The following NAV2 variants were observed in gnomAD, a reference collection of about 807,000 sequenced individuals.
The protein encoded by NAV2 is neuron navigator 2.
A neutral mutation model predicts 223.2 loss-of-function variants in NAV2; 54 were observed. The observed-to-expected ratio is 0.24, with a 90% confidence interval of 0.19 to 0.30. The LOEUF is 0.30. NAV2 is among the 10% of genes least tolerant of loss of function. The pLI is 1.00. For synonymous variants in NAV2, 1,279 were observed against 1,239.3 expected, an observed-to-expected ratio of 1.03 and a Z score of -0.67; for missense variants, 2,806 against 3,147.5, an observed-to-expected ratio of 0.89 and a Z score of 2.60.
intron 1 of NAV2, among the ~76,000 whole-genome samples, chr11:19,385,850 C>T (rs959364805): frequency 3.3e-5 from 5 of 149,760 alleles, no homozygotes; most frequent in African/African-American, 1.2e-4. Flanking sequence ...CAAGCTCCGC[C>T]TCCTGGGTTC....
chr11:20,103,260 G>A lies in NAV2; in HGVS notation c.6423G>A (p.Leu2141=), dbSNP rs2061768516. Residue 2141 remains leucine (L), a synonymous_variant, in exon 33 of 38, where the codon TTG becomes TTA. Transcript: ENST00000349880. ...FNVDHKSSKE[L]RQYLSNLADQ... ...GGCCTTCCTGGCCACCATAGGAATT[G>A]CGCCAGTACCTGTCCAACCTTGCTG... is the stretch of plus-strand genomic sequence containing the variant. The A allele has an allele frequency of 2.5e-6, 4 of 1,612,322 alleles. No homozygotes were observed. Among genetic ancestry groups the A allele is most frequent in the Non-Finnish European group, 3.4e-6 (4 of 1,179,120 alleles).
At chr11:19,835,833 A>T (rs529429586) in intron 2 of NAV2, among the ~76,000 whole-genome samples, 5 of 152,078 alleles carry the variant, frequency 3.3e-5, no homozygotes, top group Admixed American at 6.5e-5. Context: ...TACTGACTTC[A>T]TCTTATACTG....
chr11:20,069,416 C>T (rs1331829471), intron 22 of NAV2, among the ~76,000 whole-genome samples: 1 of 152,030 alleles, frequency 6.6e-6, no homozygotes, highest in African/African-American at 2.4e-5. Context: ...GGTGAGCATC[C>T]GGGCTTCCTC....
At chr11:19,791,974 T>C (rs566545280) in intron 1 of NAV2, among the ~76,000 whole-genome samples, 82 of 152,282 alleles carry the variant, frequency 5.4e-4, no homozygotes, top group African/African-American at 1.9e-3. Flanking sequence ...TTCAGTTTCT[T>C]CCACCATCTC....
At chr11:19,681,207 G>A (rs964658660) in intron 1 of NAV2, among the ~76,000 whole-genome samples, 5 of 152,174 alleles carry the variant, frequency 3.3e-5, no homozygotes, top group Admixed American at 6.5e-5. Flanking sequence ...TCTCAGGGAC[G>A]TCCCCTGACC....
intron 1 of NAV2, among the ~76,000 whole-genome samples, chr11:19,524,005 A>G (rs562454621): frequency 6.6e-6 from 1 of 152,274 alleles, no homozygotes; most frequent in African/African-American, 2.4e-5. Context: ...CAGATACTCC[A>G]GGCTGGTTAG....
chr11:19,512,182 G>A (rs2043299820), intron 1 of NAV2, among the ~76,000 whole-genome samples: 1 of 152,220 alleles, frequency 6.6e-6, no homozygotes, highest in Admixed American at 6.5e-5. Flanking sequence ...GGACTCTGAG[G>A]GGTGGAAAGA....
chr11:19,813,442 C>T (rs1216184257), intron 1 of NAV2, among the ~76,000 whole-genome samples: 5 of 152,108 alleles, frequency 3.3e-5, no homozygotes, highest in South Asian at 2.1e-4. Flanking sequence ...GCCAAAGAAA[C>T]AGTGATTTAT....
intron 26 of NAV2, among the ~76,000 whole-genome samples, chr11:20,086,195 AAT>A (rs1342189816): frequency 6.6e-6 from 1 of 152,198 alleles, no homozygotes; most frequent in Non-Finnish European, 1.5e-5. Flanking sequence ...TTGAAACAGG[AAT>A]ATGAGATAAT....
intron 1 of NAV2, among the ~76,000 whole-genome samples, chr11:19,697,798 G>GC (rs2049392557): frequency 6.6e-6 from 1 of 152,232 alleles, no homozygotes; most frequent in Admixed American, 6.5e-5. Flanking sequence ...AGGTGCAGAT[G>GC]CTTGTGATGG....
chr11:19,876,776 G>A (rs911524629), intron 4 of NAV2, among the ~76,000 whole-genome samples: 3 of 151,304 alleles, frequency 2.0e-5, no homozygotes, highest in Non-Finnish European at 2.9e-5. Context: ...ATGCTGAATT[G>A]TTAGTTCCTC....
chr11:19,928,031 C>T (rs1405606473), intron 6 of NAV2, among the ~76,000 whole-genome samples: 3 of 152,136 alleles, frequency 2.0e-5, no homozygotes, highest in Admixed American at 6.5e-5. Flanking sequence ...ATTTCAGGTT[C>T]GTTTTGAACC....
At chr11:19,478,078 CG>C (rs2042171384) in intron 1 of NAV2, among the ~76,000 whole-genome samples, 1 of 152,126 alleles carries the variant, frequency 6.6e-6, no homozygotes, top group East Asian at 1.9e-4. Flanking sequence ...AGCCCTTATA[CG>C]GGTAATAAGC....
chr11:19,574,105 G>A (rs1391086745), intron 1 of NAV2, among the ~76,000 whole-genome samples: 1 of 152,226 alleles, frequency 6.6e-6, no homozygotes, highest in South Asian at 2.1e-4. Flanking sequence ...GAGTTGGAAA[G>A]ACTTGAGTTC....
intron 1 of NAV2, among the ~76,000 whole-genome samples, chr11:19,494,088 T>G (rs961600571): frequency 6.6e-6 from 1 of 152,120 alleles, no homozygotes; most frequent in Non-Finnish European, 1.5e-5. Context: ...CCCCAACAGA[T>G]GCACAAGTGA....
chr11:19,746,599 G>A (rs940312779), intron 1 of NAV2, among the ~76,000 whole-genome samples: 1 of 152,178 alleles, frequency 6.6e-6, no homozygotes, highest in African/African-American at 2.4e-5. Flanking sequence ...AGTAGTTATG[G>A]ATAGGGCAAT....
At chr11:20,098,558 A>C (rs890813995) in intron 31 of NAV2, among the ~76,000 whole-genome samples, 1 of 152,136 alleles carries the variant, frequency 6.6e-6, no homozygotes, top group African/African-American at 2.4e-5. Flanking sequence ...ACTGCTCTTG[A>C]CTGCAGTTTT....
At chr11:19,578,470 A>C (rs534708296) in intron 1 of NAV2, among the ~76,000 whole-genome samples, 1 of 152,268 alleles carries the variant, frequency 6.6e-6, no homozygotes, top group East Asian at 1.9e-4. Flanking sequence ...ACTGGTGACC[A>C]AGGAGGCCAC....
At chr11:19,354,283 T>A (rs1345457104) in intron 1 of NAV2, among the ~76,000 whole-genome samples, 3 of 152,248 alleles carry the variant, frequency 2.0e-5, no homozygotes, top group Non-Finnish European at 2.9e-5. Flanking sequence ...ATGATGGAAA[T>A]GTTCTATTCG....
Sources: gnomAD v4.1 joint callset for allele counts (sites outside exome capture counted in the v4.1 genomes callset) on GRCh38, gnomAD v4.1.1 for gene constraint, MANE v1.5 for transcripts, NCBI Gene and HGNC (gene_info 2026-07-23, HGNC 2026-07-21) for gene names.